LRRC4C: variants seen among roughly 807,000 people sequenced by gnomAD.
The protein encoded by LRRC4C is leucine-rich repeat-containing protein 4C.
Under a neutral mutation model 33.6 loss-of-function variants are expected in LRRC4C, and 5 were observed. The ratio of observed to expected loss-of-function variants is 0.15; its 90% CI spans 0.08 to 0.31. LRRC4C has a LOEUF of 0.31. Among genes scored for constraint, LRRC4C ranks in the 10% least tolerant of loss-of-function variants. The probability of loss-of-function intolerance (pLI) is 1.00; values close to 1 mark genes in which losing one functional copy is unlikely to be tolerated. For missense variants in LRRC4C, 560 were observed against 796.7 expected, an observed-to-expected ratio of 0.70 and a Z score of 3.58; for synonymous variants, 329 against 302.0, an observed-to-expected ratio of 1.09 and a Z score of -0.93.
At position 40,399,629 on chromosome 11, in the gene LRRC4C, C is replaced by T. The variant is rs1949683234; in HGVS notation, c.-269-79908G>A. Reference sequence around the variant, plus strand: ...AGCACACCAGCATGGCACATGTATACATATGTAACTAACCTGCACATTGTG... The same window carrying T: ...AGCACACCAGCATGGCACATGTATATATATGTAACTAACCTGCACATTGTG... On this transcript the variant is annotated intron_variant, in intron 3 of 6. Coordinates refer to ENST00000528697, the MANE Select transcript of LRRC4C (RefSeq NM_001258419.2). Among the ~76,000 whole-genome samples the T allele has an allele frequency of 2.0e-5, 3 of 151,922 alleles. No homozygotes were observed. The South Asian group carries it at 6.2e-4, about 32-fold the overall frequency.
chr11:41,404,323 A>T (rs1047837830), intron 1 of LRRC4C, among the ~76,000 whole-genome samples: 1 of 151,996 alleles, frequency 6.6e-6, no homozygotes. Context: ...TATAAAAGTC[A>T]TGTTTGCTTT....
chr11:41,106,524 C>A (rs1941505742), intron 1 of LRRC4C, among the ~76,000 whole-genome samples: 2 of 151,912 alleles, frequency 1.3e-5, no homozygotes, highest in South Asian at 4.2e-4. Context: ...CAGGTAATAT[C>A]CAGGACTATG....
At chr11:40,594,781 A>T (rs2135760268) in intron 3 of LRRC4C, among the ~76,000 whole-genome samples, 1 of 152,274 alleles carries the variant, frequency 6.6e-6, no homozygotes, top group Non-Finnish European at 1.5e-5. Flanking sequence ...TTATCAAAAT[A>T]ACATTTGATG....
chr11:41,301,989 T>G (rs1307668111), intron 1 of LRRC4C, among the ~76,000 whole-genome samples: 1 of 152,224 alleles, frequency 6.6e-6, no homozygotes, highest in Non-Finnish European at 1.5e-5. Flanking sequence ...ACATTGCAGA[T>G]ATCATGCCCT....
chr11:40,302,335 T>G (rs1176805688), intron 4 of LRRC4C, among the ~76,000 whole-genome samples: 1 of 152,218 alleles, frequency 6.6e-6, no homozygotes, highest in African/African-American at 2.4e-5. Flanking sequence ...TTTCAATTTT[T>G]TACTTTAATT....
chr11:41,328,227 T>C (rs997922852), intron 1 of LRRC4C, among the ~76,000 whole-genome samples: 9 of 152,176 alleles, frequency 5.9e-5, no homozygotes, highest in African/African-American at 1.9e-4. Context: ...TAGGCATGTG[T>C]GGAAGAACAC....
chr11:40,133,387 T>C (rs1377672402), intron 6 of LRRC4C, among the ~76,000 whole-genome samples: 1 of 152,194 alleles, frequency 6.6e-6, no homozygotes, highest in Admixed American at 6.5e-5. Context: ...AAGTACTTAC[T>C]TCCTTGTTCA....
intron 4 of LRRC4C, among the ~76,000 whole-genome samples, chr11:40,280,595 C>T (rs1260571999): frequency 6.6e-6 from 1 of 152,094 alleles, no homozygotes; most frequent in Non-Finnish European, 1.5e-5. Flanking sequence ...GCATTTCCAA[C>T]TGCAGATCTC....
At chr11:40,625,568 A>T (rs1962852020) in intron 3 of LRRC4C, among the ~76,000 whole-genome samples, 1 of 152,148 alleles carries the variant, frequency 6.6e-6, no homozygotes, top group African/African-American at 2.4e-5. Flanking sequence ...CATGGGGATT[A>T]TGGTAGCTAC....
At chr11:40,766,025 C>A (rs191901503) in intron 2 of LRRC4C, among the ~76,000 whole-genome samples, 321 of 149,106 alleles carry the variant, frequency 2.2e-3, no homozygotes, top group Non-Finnish European at 3.1e-3. Flanking sequence ...TACCTCAAAT[C>A]ATTTAATAAT....
intron 3 of LRRC4C, among the ~76,000 whole-genome samples, chr11:40,436,977 G>A (rs1222639824): frequency 6.6e-6 from 1 of 152,194 alleles, no homozygotes; most frequent in Non-Finnish European, 1.5e-5. Context: ...GAGCTCGGGG[G>A]AGGATGGTCC....
chr11:41,242,596 T>C (rs1948296425), intron 1 of LRRC4C, among the ~76,000 whole-genome samples: 1 of 152,180 alleles, frequency 6.6e-6, no homozygotes, highest in Non-Finnish European at 1.5e-5. Flanking sequence ...TATAAATTAT[T>C]AAGCATCACA....
At chr11:41,284,978 T>A (rs1949779649) in intron 1 of LRRC4C, among the ~76,000 whole-genome samples, 1 of 152,224 alleles carries the variant, frequency 6.6e-6, no homozygotes, top group Admixed American at 6.5e-5. Context: ...TCATTTAGTT[T>A]CATCTAATTG....
chr11:41,147,097 C>T (rs1943760363), intron 1 of LRRC4C, among the ~76,000 whole-genome samples: 1 of 152,112 alleles, frequency 6.6e-6, no homozygotes, highest in Non-Finnish European at 1.5e-5. Context: ...TATTATTTTT[C>T]TGGTGTTCCT....
At chr11:40,533,295 T>A (rs993252070) in intron 3 of LRRC4C, among the ~76,000 whole-genome samples, 1 of 152,184 alleles carries the variant, frequency 6.6e-6, no homozygotes, top group African/African-American at 2.4e-5. Flanking sequence ...CTAGCTTGGC[T>A]TACATACCCA....
intron 3 of LRRC4C, among the ~76,000 whole-genome samples, chr11:40,627,074 G>T (rs557035108): frequency 3.2e-4 from 36 of 112,438 alleles, no homozygotes; most frequent in South Asian, 5.9e-4. Context: ...CAGCTATACT[G>T]TTTTTTTTTT....
At chr11:40,983,567 A>T (rs1852692416) in intron 1 of LRRC4C, among the ~76,000 whole-genome samples, 1 of 152,194 alleles carries the variant, frequency 6.6e-6, no homozygotes, top group Non-Finnish European at 1.5e-5. Flanking sequence ...ACAACCTACA[A>T]GACGGGAGAA....
intron 1 of LRRC4C, among the ~76,000 whole-genome samples, chr11:41,231,971 C>T (rs1309503500): frequency 1.3e-5 from 2 of 151,972 alleles, no homozygotes; most frequent in African/African-American, 4.8e-5. Context: ...GCCTTTACTA[C>T]TGGTCTAGAC....
chr11:40,429,565 T>TAA (rs1160399662), intron 3 of LRRC4C, among the ~76,000 whole-genome samples: 14 of 118,854 alleles, frequency 1.2e-4, no homozygotes, highest in African/African-American at 4.6e-4. Context: ...GGTGCAATAA[T>TAA]AATAAAAAAA....
Sources: gnomAD v4.1 joint callset for allele counts (sites outside exome capture counted in the v4.1 genomes callset) on GRCh38, gnomAD v4.1.1 for gene constraint, MANE v1.5 for transcripts, NCBI Gene and HGNC (gene_info 2026-07-23, HGNC 2026-07-21) for gene names.